Variants in CDX2 observed in about 807,000 individuals in gnomAD.
CDX2 encodes the protein homeobox protein CDX-2.
A neutral mutation model predicts 25.5 loss-of-function variants in CDX2; 7 were observed. The ratio of observed to expected loss-of-function variants is 0.27; its 90% CI spans 0.16 to 0.52. The LOEUF (loss-of-function observed/expected upper bound fraction) is 0.52, where lower values mean the gene tolerates loss of function less well. Ranked by LOEUF, CDX2 falls within the 20% of genes least tolerant of loss-of-function variation. The pLI is 0.97. For synonymous variants in CDX2, 222 were observed against 198.6 expected (o/e 1.12, Z -0.99); for missense variants, 375 against 431.4 (o/e 0.87, Z 1.16).
Position 27,968,919 on chromosome 13 carries a change from T to G in CDX2, c.88A>C (p.Asn30His). 6.2e-7 allele frequency: 1 copy of G among 1,608,914 alleles called. No individual in the cohort carries two copies. The highest frequency in any genetic ancestry group is 1.3e-5 in the African/African-American group (1 of 74,942). Residue 30 changes from asparagine to histidine, a missense_variant, in exon 1 of 3, where the codon AAC (asparagine) becomes CAC (histidine). Asn to His is a moderately conservative substitution (Grantham distance 68). Coordinates refer to ENST00000381020, the MANE Select transcript of CDX2 (RefSeq NM_001265.6). ...GGGTACTGCGGGGGGCTGACGAAGT[T>G]CTGCGGCGCCAGGTTGAGGCCGCCA... Reference protein sequence around the residue: ...HSGGLNLAPQNFVSPPQYPDY... With the variant: ...HSGGLNLAPQHFVSPPQYPDY...
chr13:27,967,487 G>A (rs1291690464), intron 1 of CDX2, among the ~76,000 whole-genome samples: 1 of 152,192 alleles, frequency 6.6e-6, no homozygotes, highest in African/African-American at 2.4e-5. Context: ...TGAGGGCTGG[G>A]GAAAGACTTT....
At chr13:27,967,588 A>G (rs1593184916) in intron 1 of CDX2, among the ~76,000 whole-genome samples, 1 of 152,190 alleles carries the variant, frequency 6.6e-6, no homozygotes, top group Admixed American at 6.5e-5. Flanking sequence ...CCCAGAGTCA[A>G]TGAGCCCCAC....
rs1869016064 is a variant in CDX2, at chr13:27,960,987, G to T, written c.*2128C>A. On this transcript the variant is annotated 3_prime_UTR_variant, in exon 3 of 3. Coordinates refer to ENST00000381020, the MANE Select transcript of CDX2 (RefSeq NM_001265.6). Reference sequence around the variant, plus strand: ...GCATAGCAACCCCGGCGGCTAGGGGGCGGGCCTGTGGGCGCGGCCGGGGCG... The same window carrying T: ...GCATAGCAACCCCGGCGGCTAGGGGTCGGGCCTGTGGGCGCGGCCGGGGCG... Among the ~76,000 whole-genome samples the T allele has an allele frequency of 6.6e-6, 1 of 152,250 alleles. No homozygotes were observed. Among genetic ancestry groups the T allele is most frequent in the Non-Finnish European group, 1.5e-5 (1 of 68,042 alleles).
Position 27,961,608 on chromosome 13 carries a change from A to C in CDX2, c.*1507T>G, listed in dbSNP as rs946023387. On this transcript the variant is annotated 3_prime_UTR_variant, in exon 3 of 3. Coordinates refer to ENST00000381020, the MANE Select transcript of CDX2 (RefSeq NM_001265.6). The stretch of plus-strand genomic sequence containing the variant: ...ACTGCAAAGACAGAGAAGAGAGTGG[A>C]GGCAGAAAGGGCTCACGGAAATGCC... Among the ~76,000 whole-genome samples the C allele has an allele frequency of 6.6e-6, 1 of 152,176 alleles. No homozygotes were observed. The highest frequency in any genetic ancestry group is 1.5e-5 in the Non-Finnish European group (1 of 68,046).
Position 27,969,042 on chromosome 13 carries a change from G to T in CDX2, c.-36C>A. 2.0e-6 allele frequency: 3 copies of T among 1,525,282 alleles called. No individual in the cohort carries two copies. The highest frequency in any genetic ancestry group is 4.7e-5 in the East Asian group (2 of 42,220). 94.5% of individuals were successfully genotyped at this position (1,525,282 alleles called of 1,614,324 possible). A position where few individuals can be genotyped will look rare whatever the true frequency, so the allele number is the denominator to read the frequency against. ...GTCCGGGAGCAGACCTCACCATGCT[G>T]CCTGGGGACCGACGCTGGAGGCTGC... On this transcript the variant is annotated 5_prime_UTR_variant, in exon 1 of 3. Transcript: ENST00000381020.
chr13:27,965,035 G>A lies in CDX2; in HGVS notation c.542-20C>T, dbSNP rs201267204. The A allele has an allele frequency of 4.3e-6, 7 of 1,612,728 alleles. No homozygotes were observed. The African/African-American group carries it at 6.7e-5, about 15-fold the overall frequency. ...TTTTCACTGTGGAGGAAGGAGAAGT[G>A]AGGGCTGAGAACTGCAAGGCAGCCC... On this transcript the variant is annotated intron_variant, in intron 1 of 2. Coordinates refer to ENST00000381020, the MANE Select transcript of CDX2 (RefSeq NM_001265.6).
intron 1 of CDX2, among the ~76,000 whole-genome samples, chr13:27,966,236 C>A (rs1004229482): frequency 7.9e-5 from 12 of 152,238 alleles, no homozygotes; most frequent in African/African-American, 2.9e-4. Context: ...CGGCTTTCAT[C>A]CCCCTCCCCG....
chr13:27,969,049 G>A lies in CDX2; in HGVS notation c.-43C>T. ...AGCAGACCTCACCATGCTGCCTGGGGACCGACGCTGGAGGCTGCCGGGGGG... is the reference window on the plus strand; with the variant it reads ...AGCAGACCTCACCATGCTGCCTGGGAACCGACGCTGGAGGCTGCCGGGGGG... On this transcript the variant is annotated 5_prime_UTR_variant, in exon 1 of 3. Coordinates refer to ENST00000381020, the MANE Select transcript of CDX2 (RefSeq NM_001265.6). 3 of 1,500,764 alleles carry A rather than the reference G, an allele frequency of 2.0e-6. No individual in the cohort carries two copies. The highest frequency in any genetic ancestry group is 1.8e-6 in the Non-Finnish European group (2 of 1,103,408). The allele number at this position is 1,500,764 out of a possible 1,614,324, so 93.0% of individuals were successfully genotyped here. A position where few individuals can be genotyped will look rare whatever the true frequency, so the allele number is the denominator to read the frequency against.
At chr13:27,963,622 T>A (rs1869179987) in intron 2 of CDX2, among the ~76,000 whole-genome samples, 1 of 152,170 alleles carries the variant, frequency 6.6e-6, no homozygotes, top group Non-Finnish European at 1.5e-5. Flanking sequence ...TATCTACGTA[T>A]TTACTGCAAA....
At position 27,961,935 on chromosome 13, in the gene CDX2, C is replaced by T. The variant is rs746899067; in HGVS notation, c.*1180G>A. Among the ~76,000 whole-genome samples the T allele has an allele frequency of 6.6e-6, 1 of 152,056 alleles. No homozygotes were observed. Among genetic ancestry groups the T allele is most frequent in the African/African-American group, 2.4e-5 (1 of 41,394 alleles). ...CCCAGGAGAGCCACGCATTCCAAGG[C>T]TGGGCTCAGGCTTGGGGGCAGGGAA... On this transcript the variant is annotated 3_prime_UTR_variant, in exon 3 of 3. Coordinates refer to ENST00000381020, the MANE Select transcript of CDX2 (RefSeq NM_001265.6).
At chr13:27,967,304 G>A (rs771604845) in intron 1 of CDX2, 58 of 515,890 alleles carry the variant, frequency 1.1e-4, no homozygotes, top group Non-Finnish European at 2.1e-4. Context: ...ATTCCCACCA[G>A]GACTCTCCCT....
At chr13:27,967,336 A>C in intron 1 of CDX2, 1 of 521,196 alleles carries the variant, frequency 1.9e-6, no homozygotes, top group Non-Finnish European at 3.7e-6. Context: ...AGTGACGCAG[A>C]AACCGATGCC....
In CDX2 at chr13:27,968,893, C is replaced by A; in HGVS notation, c.114G>T (p.Pro38=). The A allele has an allele frequency of 6.2e-7, 1 of 1,606,974 alleles. No homozygotes were observed. The highest frequency in any genetic ancestry group is 8.5e-7 in the Non-Finnish European group (1 of 1,178,070). Residue 38 remains proline (P), a synonymous_variant, in exon 1 of 3, where the codon CCG becomes CCT. Transcript: ENST00000381020. ...PQNFVSPPQY[P]DYGGYHVAAA... is the part of the protein sequence containing the mutation. ...CCGCCACGTGGTAACCGCCGTAGTC[C>A]GGGTACTGCGGGGGGCTGACGAAGT...
chr13:27,965,551 G>A (rs1869274967), intron 1 of CDX2, among the ~76,000 whole-genome samples: 1 of 152,202 alleles, frequency 6.6e-6, no homozygotes, highest in Non-Finnish European at 1.5e-5. Flanking sequence ...GACACACCAG[G>A]CCCATCAGGT....
intron 1 of CDX2, among the ~76,000 whole-genome samples, chr13:27,965,675 C>T (rs1869284478): frequency 1.3e-5 from 2 of 152,290 alleles, no homozygotes; most frequent in Non-Finnish European, 1.5e-5. Flanking sequence ...TTTTTTGATC[C>T]TCCATTTATT....
Position 27,962,296 on chromosome 13 carries a change from G to T in CDX2, c.*819C>A, listed in dbSNP as rs1371031754. 3 of 231,070 alleles carry T rather than the reference G, an allele frequency of 1.3e-5. No individual in the cohort carries two copies. Among genetic ancestry groups the T allele is most frequent in the Non-Finnish European group, 1.7e-5 (2 of 116,816 alleles). 14.3% of individuals were successfully genotyped at this position (231,070 alleles called of 1,614,324 possible). On this transcript the variant is annotated 3_prime_UTR_variant, in exon 3 of 3. Coordinates refer to ENST00000381020, the MANE Select transcript of CDX2 (RefSeq NM_001265.6). ...GTTACACAGACCAACAACCCAAACA[G>T]CAGCAACAACAACACAAACTCCCCC...
Position 27,963,024 on chromosome 13 carries a change from G to T in CDX2, c.*91C>A. The T allele has an allele frequency of 3.5e-6, 5 of 1,435,354 alleles. No homozygotes were observed. The highest frequency in any genetic ancestry group is 4.6e-6 in the Non-Finnish European group (5 of 1,085,690). The allele number at this position is 1,435,354 out of a possible 1,614,324, so 88.9% of individuals were successfully genotyped here. On this transcript the variant is annotated 3_prime_UTR_variant, in exon 3 of 3. Coordinates refer to ENST00000381020, the MANE Select transcript of CDX2 (RefSeq NM_001265.6). ...TCTGTAGGTCTATGGCTGTGGGTGG[G>T]AGGGGAGGGGTCTCTCCTGAGGAGT...
rs144285595 is a variant in CDX2, at chr13:27,964,763, G to A, written c.687+107C>T. The A allele has an allele frequency of 1.9e-4, 174 of 919,276 alleles. No individual in the cohort carries two copies. In the African/African-American group the frequency reaches 2.2e-3, roughly 11 times the overall value. 56.9% of individuals were successfully genotyped at this position (919,276 alleles called of 1,614,324 possible). ...CAAAGACGAATGCTTGCATCCTCCT[G>A]CTTCAGTCTCTCCACAGATTTAGAT... On this transcript the variant is annotated intron_variant, in intron 2 of 2. Coordinates refer to ENST00000381020, the MANE Select transcript of CDX2 (RefSeq NM_001265.6). The surrounding 1 kb of genome is among the most constrained non-coding windows in gnomAD (Gnocchi z 4.7).
rs554545819 is a variant in CDX2, at chr13:27,961,717, C to T, written c.*1398G>A. ...TTTTTTAAAAAAAATTTAATGCTCACGTTTAACTAGCTGGGTTGTGGGGCG... is the reference window on the plus strand; with the variant it reads ...TTTTTTAAAAAAAATTTAATGCTCATGTTTAACTAGCTGGGTTGTGGGGCG... On this transcript the variant is annotated 3_prime_UTR_variant, in exon 3 of 3. Transcript: ENST00000381020. 6.6e-6 allele frequency among the ~76,000 whole-genome samples: 1 copy of T among 152,088 alleles called. No homozygotes were observed.
Sources: gnomAD v4.1 joint callset for allele counts (sites outside exome capture counted in the v4.1 genomes callset) on GRCh38, gnomAD v4.1.1 for gene constraint, Gnocchi (gnomAD v3.1) non-coding constraint, MANE v1.5 for transcripts, NCBI Gene and HGNC (gene_info 2026-07-23, HGNC 2026-07-21) for gene names.